Variants in KIF20B observed in about 807,000 individuals in gnomAD.
The protein encoded by KIF20B is kinesin family member 20B.
In KIF20B, 188 loss-of-function variants were observed where a neutral mutation model predicts 232.5. The observed-to-expected ratio is 0.81, with a 90% CI of 0.72 to 0.91. KIF20B has a LOEUF of 0.91. Among genes scored for constraint, KIF20B ranks in the 40% least tolerant of loss-of-function variants. The pLI is 0.00. For synonymous variants in KIF20B, 712 were observed against 683.0 expected (o/e 1.04, Z -0.66); for missense variants, 2,154 against 2,055.9 (o/e 1.05, Z -0.92).
In KIF20B at chr10:89,769,638, A is replaced by G. The variant is rs1589887609; in HGVS notation, c.5242+750A>G. ...GCTTAGTGCTTTTTTTCTTGATAAT[A>G]TAATGTGGACATATTGATACCTGTG... is the stretch of plus-strand genomic sequence containing the variant. On this transcript the variant is annotated intron_variant, in intron 31 of 32. Transcript: ENST00000371728. Among the ~76,000 whole-genome samples, 7 of 151,942 alleles carry G rather than the reference A, an allele frequency of 4.6e-5. 1 individual carries two copies. In the South Asian group the frequency reaches 1.2e-3, roughly 27 times the overall value.
Position 89,714,077 on chromosome 10 carries a change from CTT to C in KIF20B, c.708_709del (p.Tyr237TrpfsTer5). ...TGTGCATAATGATAGTGATGATACTCTTTATGGTAAGGTTTCGTTGCTCACTT... is the reference window on the plus strand; with the variant it reads ...TGTGCATAATGATAGTGATGATACTCTATGGTAAGGTTTCGTTGCTCACTT... ...VTVHNDSDDTLYGSLTNSLNI... is the reference protein window; with the variant it reads ...VTVHNDSDDTXYGSLTNSLNI... On this transcript the variant is annotated frameshift_variant, in exon 7 of 33. Coordinates refer to ENST00000371728, the MANE Select transcript of KIF20B (RefSeq NM_001284259.2). LOFTEE classifies it high-confidence loss of function. 1.4e-6 allele frequency: 2 copies of C among 1,447,082 alleles called. No individual in the cohort carries two copies. The highest frequency in any genetic ancestry group is 1.9e-6 in the Non-Finnish European group (2 of 1,076,086). 89.6% of individuals were successfully genotyped at this position (1,447,082 alleles called of 1,614,324 possible). A position where few individuals can be genotyped will look rare whatever the true frequency, so the allele number is the denominator to read the frequency against.
At chr10:89,730,301 AG>A (rs1843289356) in intron 18 of KIF20B, among the ~76,000 whole-genome samples, 1 of 152,180 alleles carries the variant, frequency 6.6e-6, no homozygotes, top group Non-Finnish European at 1.5e-5. Flanking sequence ...AATAAGGTGG[AG>A]GAGCAAGAAA....
At chr10:89,767,370 A>T (rs1045417049) in intron 29 of KIF20B, among the ~76,000 whole-genome samples, 1 of 135,636 alleles carries the variant, frequency 7.4e-6, no homozygotes, top group Non-Finnish European at 1.6e-5. Context: ...TAATCCAGTG[A>T]AGACTCCAAA....
At chr10:89,757,072 A>G (rs1014334395) in intron 26 of KIF20B, among the ~76,000 whole-genome samples, 4 of 145,354 alleles carry the variant, frequency 2.8e-5, no homozygotes, top group Admixed American at 6.8e-5. Flanking sequence ...ATATATATAC[A>G]CACATGACAA....
At chr10:89,732,103 T>TC (rs1244759933) in intron 18 of KIF20B, among the ~76,000 whole-genome samples, 4 of 150,724 alleles carry the variant, frequency 2.7e-5, no homozygotes, top group Non-Finnish European at 4.4e-5. Context: ...TTTTGGAAGT[T>TC]CCCCCCCTCT....
chr10:89,723,158 C>A (rs1187686992), intron 13 of KIF20B, among the ~76,000 whole-genome samples: 1 of 152,110 alleles, frequency 6.6e-6, no homozygotes, highest in Non-Finnish European at 1.5e-5. Flanking sequence ...GTTTCAAAGT[C>A]TGGATAGCTG....
chr10:89,766,722 C>T (rs1300111832), intron 29 of KIF20B, among the ~76,000 whole-genome samples: 3 of 152,084 alleles, frequency 2.0e-5, no homozygotes, highest in Non-Finnish European at 4.4e-5. Context: ...ATAGTATTAA[C>T]TATACTCCTG....
At position 89,772,943 on chromosome 10, in the gene KIF20B, G is replaced by A. The variant is rs74147664; in HGVS notation, c.5385+112G>A. 908 of 875,908 alleles carry A rather than the reference G, an allele frequency of 1.0e-3. 4 individuals carry two copies. The African/African-American group carries it at 0.014, about 14-fold the overall frequency. 54.3% of individuals were successfully genotyped at this position (875,908 alleles called of 1,614,324 possible). On this transcript the variant is annotated intron_variant, in intron 32 of 32. Coordinates refer to ENST00000371728, the MANE Select transcript of KIF20B (RefSeq NM_001284259.2). ...ATCTCTGAAAACACATGCTATAAAGGTCATGCTTTTAGTCTCACATGTGTT... is the reference window on the plus strand; with the variant it reads ...ATCTCTGAAAACACATGCTATAAAGATCATGCTTTTAGTCTCACATGTGTT...
chr10:89,725,021 G>C lies in KIF20B; in HGVS notation c.1864G>C (p.Glu622Gln), dbSNP rs754111994. 1 of 1,612,398 alleles carries C rather than the reference G, an allele frequency of 6.2e-7. No homozygotes were observed. The highest frequency in any genetic ancestry group is 1.3e-5 in the African/African-American group (1 of 74,828). Residue 622 changes from glutamate (E) to glutamine (Q), a missense_variant and splice_region_variant, in exon 15 of 33, where the codon GAG (glutamate) becomes CAG (glutamine). Transcript: ENST00000371728. ...ATGGGATTAATTTGTATTTTGAAGG[G>C]AGACTCTGCTTCAAGAACGAGAGAT... ...YWAQREADFKETLLQEREILE... is the reference protein window; with the variant it reads ...YWAQREADFKQTLLQEREILE...
Position 89,719,776 on chromosome 10 carries a change from C to G in KIF20B, c.1722+70C>G, listed in dbSNP as rs1445712512. 5.5e-6 allele frequency: 7 copies of G among 1,279,876 alleles called. No individual in the cohort carries two copies. The African/African-American group carries it at 7.5e-5, about 14-fold the overall frequency. The allele number at this position is 1,279,876 out of a possible 1,614,324, so 79.3% of individuals were successfully genotyped here. ...GAAGTTAAGGTTAAATCTTAAGGCT[C>G]TCTCTCTTCAGTTTTTTTCAACAGT... On this transcript the variant is annotated intron_variant, in intron 13 of 32. Coordinates refer to ENST00000371728, the MANE Select transcript of KIF20B (RefSeq NM_001284259.2).
At chr10:89,709,094 A>G (rs2133082756) in intron 2 of KIF20B, 73 bp from the exon 3 acceptor site, 2 of 962,212 alleles carry the variant, frequency 2.1e-6, no homozygotes, top group Non-Finnish European at 3.3e-6. Context: ...AAAAGTAGCC[A>G]TGTTAAGGAA....
At chr10:89,734,562 C>G (rs1841602465) in intron 19 of KIF20B, among the ~76,000 whole-genome samples, 2 of 152,136 alleles carry the variant, frequency 1.3e-5, no homozygotes, top group Admixed American at 6.5e-5. Context: ...ATAACTTCAA[C>G]TGTGATTAGT....
intron 26 of KIF20B, among the ~76,000 whole-genome samples, chr10:89,755,207 G>C (rs547724898): frequency 1.3e-5 from 2 of 152,180 alleles, no homozygotes; most frequent in Non-Finnish European, 2.9e-5. Flanking sequence ...TCGTTAATCC[G>C]AGGAAAGCTA....
Position 89,751,346 on chromosome 10 carries a change from A to G in KIF20B, c.4097A>G (p.Asp1366Gly), listed in dbSNP as rs775560493. The change falls in exon 24 of 33, where the codon GAT (aspartate) becomes GGT (glycine). Residue 1366 changes from aspartate to glycine, a missense_variant and splice_region_variant. Physicochemically the swap from Asp to Gly is moderately conservative, Grantham distance 94. Coordinates refer to ENST00000371728, the MANE Select transcript of KIF20B (RefSeq NM_001284259.2). ...TAAAATGTTCTCCCCCGATTTTTAG[A>G]TCTAAATGTTAAAGAGAAAATAATT... ...AIQQYERACK[D>G]LNVKEKIIED... The G allele has an allele frequency of 1.3e-6, 2 of 1,596,028 alleles. No homozygotes were observed. The highest frequency in any genetic ancestry group is 1.2e-5 in the South Asian group (1 of 85,478).
Position 89,725,124 on chromosome 10 carries a change from C to A in KIF20B, c.1967C>A (p.Ala656Glu), listed in dbSNP as rs145716217. 6 of 1,613,460 alleles carry A rather than the reference C, an allele frequency of 3.7e-6. No individual in the cohort carries two copies. The highest frequency in any genetic ancestry group is 5.1e-6 in the Non-Finnish European group (6 of 1,179,752). The change falls in exon 15 of 33, where the codon GCG (alanine) becomes GAG (glutamate). Residue 656 changes from alanine to glutamate, a missense_variant. Ala to Glu is a moderately radical substitution (Grantham distance 107). Transcript: ENST00000371728. ...VGKCDTREEAAKDICATKVET... is the reference protein window; with the variant it reads ...VGKCDTREEAEKDICATKVET... ...AAATGTGACACTCGAGAAGAAGCAGCGAAAGACATTTGTGCCACAAAAGTT... is the reference window on the plus strand; with the variant it reads ...AAATGTGACACTCGAGAAGAAGCAGAGAAAGACATTTGTGCCACAAAAGTT...
chr10:89,717,890 A>G (rs977444740), intron 11 of KIF20B, among the ~76,000 whole-genome samples, 168 bp downstream of exon 11: 5 of 152,224 alleles, frequency 3.3e-5, no homozygotes, highest in African/African-American at 1.2e-4. Flanking sequence ...AAAGACAATG[A>G]TAGAAATGTC....
At chr10:89,726,187 GTGA>G in intron 15 of KIF20B, 103 bp from the exon 16 acceptor site, 1 of 1,309,794 alleles carries the variant, frequency 7.6e-7, no homozygotes, top group Non-Finnish European at 9.8e-7. Context: ...AGAATTTCAA[GTGA>G]TGAATTTTTT....
chr10:89,768,932 G>T, intron 31 of KIF20B, 44 bp downstream of exon 31: 1 of 1,499,062 alleles, frequency 6.7e-7, no homozygotes, highest in Non-Finnish European at 9.0e-7. Context: ...GTTAGATGTT[G>T]GGTATATTTT....
At chr10:89,766,492 A>G (rs1396754726) in intron 29 of KIF20B, 1 of 152,186 alleles carries the variant, frequency 6.6e-6, no homozygotes, top group Non-Finnish European at 1.5e-5. Flanking sequence ...AAAGGATCTG[A>G]TGGAGCTGAA....
Sources: gnomAD v4.1 joint callset for allele counts (sites outside exome capture counted in the v4.1 genomes callset) on GRCh38, gnomAD v4.1.1 for gene constraint, MANE v1.5 for transcripts, NCBI Gene and HGNC (gene_info 2026-07-23, HGNC 2026-07-21) for gene names.